The following PRKCA variants were observed in gnomAD, a reference collection of about 807,000 sequenced individuals.
PRKCA encodes protein kinase C alpha, also known as protein kinase C alpha type.
PRKCA carries 27 observed loss-of-function variants against 87.0 expected under a neutral mutation model. That is an observed-to-expected ratio of 0.31 (90% CI 0.23 to 0.43). The LOEUF (loss-of-function observed/expected upper bound fraction) is 0.43, where lower values mean the gene tolerates loss of function less well. PRKCA is among the 20% of genes least tolerant of loss of function. The pLI is 1.00. For synonymous variants in PRKCA, 329 were observed against 311.1 expected (o/e 1.06, Z -0.61); for missense variants, 518 against 852.3 (o/e 0.61, Z 4.88).
chr17:66,319,367 G>A (rs980985297), intron 2 of PRKCA, among the ~76,000 whole-genome samples: 1 of 152,192 alleles, frequency 6.6e-6, no homozygotes, highest in Non-Finnish European at 1.5e-5. Flanking sequence ...TATCGTTTGT[G>A]CACAAGTTGT....
chr17:66,573,725 T>A (rs1167086056), intron 3 of PRKCA, among the ~76,000 whole-genome samples: 1 of 152,258 alleles, frequency 6.6e-6, no homozygotes, highest in Non-Finnish European at 1.5e-5. Context: ...TAGCTTCCTA[T>A]TATTTTCATT....
chr17:66,306,279 AT>A (rs751472018), intron 2 of PRKCA, 152 bp downstream of exon 2: 1 of 699,446 alleles, frequency 1.4e-6, no homozygotes, highest in Non-Finnish European at 2.3e-6. Context: ...GCCTTAAAAA[AT>A]AATTGGGGCC....
chr17:66,377,637 TTA>T (rs202097437), intron 2 of PRKCA, among the ~76,000 whole-genome samples: 6,111 of 144,510 alleles, frequency 0.042, 322 homozygotes, highest in African/African-American at 0.12. Context: ...TATGTCTATA[TTA>T]TATATATAAT....
At chr17:66,466,851 G>C (rs1330328809) in intron 2 of PRKCA, among the ~76,000 whole-genome samples, 1 of 151,196 alleles carries the variant, frequency 6.6e-6, no homozygotes, top group African/African-American at 2.4e-5. Context: ...GTGGATGTTT[G>C]ACTTGTGACC....
chr17:66,565,497 G>A (rs1396331275), intron 3 of PRKCA, among the ~76,000 whole-genome samples: 2 of 152,150 alleles, frequency 1.3e-5, no homozygotes, highest in African/African-American at 2.4e-5. Flanking sequence ...AATATGAATC[G>A]TAGCTCCACA....
At chr17:66,722,929 A>C (rs1304900777) in intron 8 of PRKCA, among the ~76,000 whole-genome samples, 1 of 152,220 alleles carries the variant, frequency 6.6e-6, no homozygotes, top group Non-Finnish European at 1.5e-5. Flanking sequence ...TTCCTTTTAA[A>C]AATTTGTGCC....
intron 8 of PRKCA, among the ~76,000 whole-genome samples, chr17:66,698,941 C>T (rs1397537136): frequency 6.6e-6 from 1 of 151,556 alleles, no homozygotes; most frequent in Non-Finnish European, 1.5e-5. Flanking sequence ...GATTTTGCCA[C>T]TGCACTCCAG....
At chr17:66,439,339 C>A (rs1053651854) in intron 2 of PRKCA, among the ~76,000 whole-genome samples, 3 of 152,046 alleles carry the variant, frequency 2.0e-5, no homozygotes, top group Non-Finnish European at 4.4e-5. Context: ...CACCACCATA[C>A]CTGGCTAATT....
chr17:66,344,065 G>A (rs1261268670), intron 2 of PRKCA, among the ~76,000 whole-genome samples: 1 of 152,094 alleles, frequency 6.6e-6, no homozygotes, highest in Non-Finnish European at 1.5e-5. Context: ...CTTGGCTCAA[G>A]AAAAATTAAG....
intron 2 of PRKCA, among the ~76,000 whole-genome samples, chr17:66,341,916 T>C (rs1260917023): frequency 6.6e-6 from 1 of 152,352 alleles, no homozygotes; most frequent in African/African-American, 2.4e-5. Flanking sequence ...ACAGCTCTTA[T>C]GCAAGGAATT....
rs58356468 is a variant in PRKCA at position 66,765,418 on chromosome 17, CTATATATATATATA to C, written c.1525-8545_1525-8532del. On this transcript the variant is annotated intron_variant, in intron 13 of 16. Coordinates refer to ENST00000413366, the MANE Select transcript of PRKCA (RefSeq NM_002737.3). ...CCTGGTCGACAGAGCAAGACTTTGT[CTATATATATATATA>C]TATATATATATATATATATATATCC... Among the ~76,000 whole-genome samples the C allele has an allele frequency of 4.3e-3, 211 of 49,336 alleles. 2 individuals are homozygous for C. The highest frequency in any genetic ancestry group is 0.017 in the South Asian group (20 of 1,190). The allele number at this position is 49,336 out of a possible 152,430, so 32.4% of individuals were successfully genotyped here. A position where few individuals can be genotyped will look rare whatever the true frequency, so the allele number is the denominator to read the frequency against.
intron 2 of PRKCA, among the ~76,000 whole-genome samples, chr17:66,431,931 G>A (rs149797399): frequency 3.3e-5 from 5 of 152,220 alleles, no homozygotes; most frequent in East Asian, 1.9e-4. Context: ...ATTTCCCCCC[G>A]CATCCTAATT....
rs116971626 is a variant in PRKCA at position 66,312,878 on chromosome 17, A to G, written c.205+6751A>G. ...CTTAGCCTCCTGAGTAGCCGGGATT[A>G]CAGGCACATACCATGACACCCAGCT... On this transcript the variant is annotated intron_variant, in intron 2 of 16. Transcript: ENST00000413366. 3.0e-3 allele frequency among the ~76,000 whole-genome samples: 451 copies of G among 151,944 alleles called. 1 individual carries two copies. The highest frequency in any genetic ancestry group is 9.2e-3 in the Admixed American group (140 of 15,256).
chr17:66,702,222 A>G (rs1041029780), intron 8 of PRKCA, among the ~76,000 whole-genome samples: 5 of 152,112 alleles, frequency 3.3e-5, no homozygotes, highest in African/African-American at 1.2e-4. Flanking sequence ...ATGTGTGTGT[A>G]TATGTATATA....
intron 3 of PRKCA, among the ~76,000 whole-genome samples, chr17:66,624,610 G>A (rs1256010183): frequency 6.6e-6 from 1 of 152,048 alleles, no homozygotes; most frequent in Admixed American, 6.5e-5. Context: ...AGACCAGCGT[G>A]GCCAACGTGG....
rs757775773 is a variant in PRKCA at position 66,803,278 on chromosome 17, C to T, written c.1855-595C>T. 3.0e-4 allele frequency among the ~76,000 whole-genome samples: 45 copies of T among 152,194 alleles called. No individual in the cohort carries two copies. Among genetic ancestry groups the T allele is most frequent in the Non-Finnish European group, 5.4e-4 (37 of 68,044 alleles). On this transcript the variant is annotated intron_variant, in intron 16 of 16. Transcript: ENST00000413366. This position sits in a 1 kb window ranked among gnomAD's most constrained non-coding sequence, Gnocchi z 4.4. ...CCAGCTCTGTCTAGGTGTGCTAAAT[C>T]CTAGCTGGGCCAGGTGCAAATCTCC... is the stretch of plus-strand genomic sequence containing the variant.
intron 2 of PRKCA, among the ~76,000 whole-genome samples, chr17:66,482,395 A>G (rs981250227): frequency 6.6e-6 from 1 of 152,218 alleles, no homozygotes; most frequent in Non-Finnish European, 1.5e-5. Context: ...GTGCCCACCT[A>G]GAGTCCTTCA....
chr17:66,526,742 A>G (rs1217832661), intron 3 of PRKCA, among the ~76,000 whole-genome samples: 2 of 152,168 alleles, frequency 1.3e-5, no homozygotes, highest in Non-Finnish European at 2.9e-5. Flanking sequence ...AAAAAAAGGT[A>G]TGGATACTAC....
chr17:66,703,187 C>G (rs1973103210), intron 8 of PRKCA: 1 of 152,194 alleles, frequency 6.6e-6, no homozygotes, highest in South Asian at 2.1e-4. Context: ...AGTTTTGACT[C>G]ATAATAACAC....
Sources: gnomAD v4.1 joint callset for allele counts (sites outside exome capture counted in the v4.1 genomes callset) on GRCh38, gnomAD v4.1.1 for gene constraint, Gnocchi (gnomAD v3.1) non-coding constraint, MANE v1.5 for transcripts, NCBI Gene and HGNC (gene_info 2026-07-23, HGNC 2026-07-21) for gene names.